Variants in MICU3 observed in about 807,000 individuals in gnomAD.
The protein encoded by MICU3 is mitochondrial calcium uptake 3, also known as calcium uptake protein 3, mitochondrial.
Under a neutral mutation model 66.5 loss-of-function variants are expected in MICU3, and 62 were observed. The observed-to-expected ratio is 0.93, with a 90% confidence interval of 0.76 to 1.15. The LOEUF (loss-of-function observed/expected upper bound fraction) is 1.15. MICU3 is among the 50% of genes most tolerant of loss of function. The pLI, the probability that MICU3 is intolerant of heterozygous loss-of-function variation, is 0.00. For synonymous variants in MICU3, 308 were observed against 240.7 expected, an observed-to-expected ratio of 1.28 and a Z score of -2.59; for missense variants, 779 against 664.4, an observed-to-expected ratio of 1.17 and a Z score of -1.90.
intron 7 of MICU3, among the ~76,000 whole-genome samples, chr8:17,087,279 A>G (rs182719656): frequency 7.9e-5 from 12 of 152,140 alleles, no homozygotes; most frequent in African/African-American, 2.9e-4. Context: ...CCATATTGTT[A>G]TCTGTGAGAT....
At chr8:17,074,595 G>A (rs1389382145) in intron 3 of MICU3, among the ~76,000 whole-genome samples, 3 of 42,474 alleles carry the variant, frequency 7.1e-5, no homozygotes, top group African/African-American at 5.0e-4. Flanking sequence ...TAAAACGTGT[G>A]TGTGTGTGTG....
chr8:17,085,244 G>T lies in MICU3; in HGVS notation c.703G>T (p.Ala235Ser). Residue 235 changes from alanine to serine, a missense_variant, in exon 6 of 15, where the codon GCA (alanine) becomes TCA (serine). Physicochemically the swap from Ala to Ser is moderately conservative, Grantham distance 99 (BLOSUM62 1). Transcript: ENST00000318063. ...FLLCILTKPH[A>S]GFRIAFNMFD... ...TCTGTTTTTTCTGGCAGAGCCACAT[G>T]CAGGGTTCAGAATAGCTTTCAACAT... 1 of 1,604,592 alleles carries T rather than the reference G, an allele frequency of 6.2e-7. No individual in the cohort carries two copies.
At chr8:17,101,388 G>A (rs1801244879) in intron 9 of MICU3, among the ~76,000 whole-genome samples, 1 of 151,804 alleles carries the variant, frequency 6.6e-6, no homozygotes, top group African/African-American at 2.4e-5. Context: ...TTCAGTGGCT[G>A]AGCAGTACTC....
chr8:17,124,287 A>C (rs1803346815), downstream of MICU3, among the ~76,000 whole-genome samples: 1 of 151,816 alleles, frequency 6.6e-6, no homozygotes, highest in Non-Finnish European at 1.5e-5. Context: ...AGAGTTGTTA[A>C]TTTTCTCCTT....
the MICU3 span, among the ~76,000 whole-genome samples, chr8:17,135,770 T>TG: frequency 7.9e-5 from 12 of 152,084 alleles, no homozygotes; most frequent in African/African-American, 2.9e-4. Context: ...TATCCTTTAT[T>TG]TCCTGAATTT....
At chr8:17,033,066 C>T (rs2150486721) in intron 1 of MICU3, among the ~76,000 whole-genome samples, 1 of 152,290 alleles carries the variant, frequency 6.6e-6, no homozygotes, top group Non-Finnish European at 1.5e-5. Flanking sequence ...CCTGTTCCCT[C>T]AGTCACAAAA....
intron 1 of MICU3, among the ~76,000 whole-genome samples, chr8:17,059,543 T>A (rs1257788398): frequency 6.6e-6 from 1 of 152,172 alleles, no homozygotes; most frequent in Admixed American, 6.5e-5. Flanking sequence ...ATATAAATGC[T>A]GAAAAGGAGA....
At chr8:17,070,293 A>G (rs1330998379) in intron 3 of MICU3, among the ~76,000 whole-genome samples, 1 of 152,146 alleles carries the variant, frequency 6.6e-6, no homozygotes, top group Non-Finnish European at 1.5e-5. Flanking sequence ...ATACTACACA[A>G]TAGTGAAAAC....
chr8:17,043,210 A>G (rs548790387), intron 1 of MICU3, among the ~76,000 whole-genome samples: 2 of 152,172 alleles, frequency 1.3e-5, no homozygotes, highest in East Asian at 3.9e-4. Context: ...AATGGCTGGG[A>G]TTACAGGCGT....
In MICU3 at chr8:17,116,553, A is replaced by G; in HGVS notation, c.1477A>G (p.Lys493Glu). The G allele has an allele frequency of 6.4e-7, 1 of 1,566,064 alleles. No homozygotes were observed. ...TGACAAAGATGATCAATTAAGTTAT[A>G]AAGAATTTATTGGAATTATGAAAGA... ...DVDKDDQLSY[K>E]EFIGIMKDRL... is the part of the protein sequence containing the mutation. The change falls in exon 13 of 15, where the codon AAA becomes GAA. Residue 493 changes from lysine to glutamate, a missense_variant. Physicochemically the swap from Lys to Glu is moderately conservative, Grantham distance 56. Transcript: ENST00000318063.
At chr8:17,098,302 C>G (rs1800933942) in intron 8 of MICU3, among the ~76,000 whole-genome samples, 156 bp from the exon 9 acceptor site, 2 of 151,354 alleles carry the variant, frequency 1.3e-5, no homozygotes, top group South Asian at 4.2e-4. Flanking sequence ...CAGTGTAATA[C>G]AATACTGTGG....
At chr8:17,069,651 A>G (rs1219348008) in intron 2 of MICU3, 37 bp from the exon 3 acceptor site, 2 of 1,303,192 alleles carry the variant, frequency 1.5e-6, no homozygotes, top group Non-Finnish European at 2.2e-6. Context: ...TCCATGAAGT[A>G]TTTATTATCT....
intron 7 of MICU3, 35 bp from the exon 8 acceptor site, chr8:17,090,511 T>C (rs1799937502): frequency 6.3e-7 from 1 of 1,592,928 alleles, no homozygotes; most frequent in African/African-American, 1.4e-5. Context: ...TTCTGAAATA[T>C]GACACTTCAT....
chr8:17,058,201 A>G (rs1213556454), intron 1 of MICU3, among the ~76,000 whole-genome samples: 6 of 152,214 alleles, frequency 3.9e-5, no homozygotes, highest in African/African-American at 1.2e-4. Context: ...ATTTACTGAA[A>G]TAATACATAG....
At chr8:17,083,015 T>A (rs1201156116) in intron 5 of MICU3, among the ~76,000 whole-genome samples, 1 of 152,154 alleles carries the variant, frequency 6.6e-6, no homozygotes, top group Non-Finnish European at 1.5e-5. Flanking sequence ...GAGCTGGCTG[T>A]ACAGGAGACT....
chr8:17,127,112 A>G (rs946509203), downstream of MICU3, among the ~76,000 whole-genome samples: 1 of 152,204 alleles, frequency 6.6e-6, no homozygotes, highest in African/African-American at 2.4e-5. Context: ...GACAGTAAAG[A>G]TATTTTGAGT....
intron 5 of MICU3, 51 bp downstream of exon 5, chr8:17,081,791 G>T: frequency 1.4e-6 from 1 of 740,530 alleles, no homozygotes; most frequent in South Asian, 1.5e-5. Flanking sequence ...TTTTTTAAAC[G>T]AATCTTGGAA....
chr8:17,125,225 C>G (rs938179834), downstream of MICU3, among the ~76,000 whole-genome samples: 2 of 151,910 alleles, frequency 1.3e-5, no homozygotes, highest in Admixed American at 6.6e-5. Context: ...AGTCTTCTAT[C>G]TGCATTCTTG....
intron 1 of MICU3, among the ~76,000 whole-genome samples, chr8:17,028,944 A>C (rs1046443155): frequency 1.3e-5 from 2 of 152,126 alleles, no homozygotes; most frequent in African/African-American, 4.8e-5. Flanking sequence ...CTTAAAATTA[A>C]TTTTACTTTT....
Sources: allele counts gnomAD v4.1 joint callset (sites outside exome capture counted in the v4.1 genomes callset), GRCh38; gene constraint gnomAD v4.1.1; transcripts MANE v1.5; gene names NCBI Gene and HGNC (gene_info 2026-07-23, HGNC 2026-07-21).